Variants in DRAM1 observed in about 807,000 individuals in gnomAD.
DRAM1 encodes DNA damage-regulated autophagy modulator protein 1.
Under a neutral mutation model 28.5 loss-of-function variants are expected in DRAM1, and 25 were observed. That is an observed-to-expected ratio of 0.88 (90% CI 0.64 to 1.23). The LOEUF (loss-of-function observed/expected upper bound fraction) is 1.23. DRAM1 is among the 50% of genes most tolerant of loss of function. The pLI is 0.00. For missense variants in DRAM1, 249 were observed against 299.2 expected (o/e 0.83, Z 1.24); for synonymous variants, 113 against 114.2 (o/e 0.99, Z 0.07).
rs1167992417 is a variant in DRAM1 at position 101,901,279 on chromosome 12, C to T, written c.200-12C>T. The T allele has an allele frequency of 1.2e-6, 2 of 1,606,532 alleles. No homozygotes were observed. The highest frequency in any genetic ancestry group is 1.7e-5 in the Admixed American group (1 of 58,284). ...AATTATGAACATTCATCAAAGTTCT[C>T]TTCTTTTTCAGGTGCAGCCACGATG... is the stretch of plus-strand genomic sequence containing the variant. On this transcript the variant is annotated splice_polypyrimidine_tract_variant and intron_variant, in intron 2 of 6. Transcript: ENST00000258534.
chr12:101,913,568 A>G (rs1242628712), intron 4 of DRAM1, among the ~76,000 whole-genome samples: 5 of 151,928 alleles, frequency 3.3e-5, no homozygotes, highest in African/African-American at 9.7e-5. Flanking sequence ...TTAGCCAGGC[A>G]TGGTGGTGGG....
At chr12:101,901,248 ACATCAAATTATGAACATT>A in intron 2 of DRAM1, 25 bp from the exon 3 acceptor site, 1 of 1,589,958 alleles carries the variant, frequency 6.3e-7, no homozygotes, top group Non-Finnish European at 8.6e-7. Flanking sequence ...CATCCTAAAG[ACATCAAATTATGAACATT>A]CATCAAAGTT....
chr12:101,905,567 C>G (rs1295742521), intron 3 of DRAM1, among the ~76,000 whole-genome samples: 2 of 152,004 alleles, frequency 1.3e-5, no homozygotes, highest in African/African-American at 4.8e-5. Context: ...CAGACATAAG[C>G]CACTGTGCCC....
chr12:101,881,326 A>T (rs1872678878), intron 1 of DRAM1, among the ~76,000 whole-genome samples: 1 of 150,460 alleles, frequency 6.6e-6, no homozygotes, highest in Non-Finnish European at 1.5e-5. Context: ...CTCTACATTT[A>T]TCTACTGGCC....
intron 1 of DRAM1, among the ~76,000 whole-genome samples, chr12:101,893,000 G>T (rs1873197193): frequency 6.6e-6 from 1 of 152,194 alleles, no homozygotes; most frequent in Non-Finnish European, 1.5e-5. Flanking sequence ...AAAGGTGTAG[G>T]AATGTGGGCC....
intron 5 of DRAM1, among the ~76,000 whole-genome samples, chr12:101,918,435 G>GT (rs1168716111): frequency 1.3e-5 from 2 of 152,206 alleles, no homozygotes; most frequent in East Asian, 1.9e-4. Flanking sequence ...CCAGAAGGAG[G>GT]AAGCCTCTGT....
intron 4 of DRAM1, among the ~76,000 whole-genome samples, chr12:101,913,700 C>G (rs1358726571): frequency 3.8e-5 from 4 of 104,906 alleles, no homozygotes; most frequent in African/African-American, 8.7e-5. Context: ...AGCGAGAGTA[C>G]GTCTCAAAAA....
intron 1 of DRAM1, among the ~76,000 whole-genome samples, chr12:101,894,488 G>A (rs922032967): frequency 1.3e-5 from 2 of 152,168 alleles, no homozygotes; most frequent in Non-Finnish European, 2.9e-5. Flanking sequence ...CTGAGCTCAA[G>A]TGATCCATCC....
chr12:101,892,834 G>T, intron 1 of DRAM1, among the ~76,000 whole-genome samples: 1 of 152,240 alleles, frequency 6.6e-6, no homozygotes, highest in Non-Finnish European at 1.5e-5. Context: ...TTGTGACTCA[G>T]ATTGTATCTA....
chr12:101,901,218 A>G (rs563695418), intron 2 of DRAM1, 73 bp from the exon 3 acceptor site: 1 of 1,530,502 alleles, frequency 6.5e-7, no homozygotes, highest in South Asian at 1.3e-5. Context: ...AAAAAGTGAT[A>G]CAAAGCTGCT....
chr12:101,894,654 C>T (rs1226737854), intron 1 of DRAM1, among the ~76,000 whole-genome samples: 1 of 152,172 alleles, frequency 6.6e-6, no homozygotes, highest in African/African-American at 2.4e-5. Flanking sequence ...GACTCCACAC[C>T]TGGGCCTTTG....
intron 5 of DRAM1, 38 bp from the exon 6 acceptor site, chr12:101,920,071 T>C: frequency 6.8e-7 from 1 of 1,471,324 alleles, no homozygotes; most frequent in Non-Finnish European, 9.3e-7. Flanking sequence ...AAAGTGAGTC[T>C]TTTTCGGCTA....
At chr12:101,916,584 A>AGTGG (rs1347262101) in intron 5 of DRAM1, among the ~76,000 whole-genome samples, 1 of 152,232 alleles carries the variant, frequency 6.6e-6, no homozygotes, top group Non-Finnish European at 1.5e-5. Flanking sequence ...AGATACCTGT[A>AGTGG]GTAGTGGTTC....
intron 4 of DRAM1, among the ~76,000 whole-genome samples, chr12:101,909,233 C>G (rs1873944007): frequency 1.4e-5 from 2 of 145,958 alleles, no homozygotes; most frequent in African/African-American, 5.2e-5. Context: ...TGCACTCCAG[C>G]CTGGGCAACA....
chr12:101,881,313 T>C (rs1872678392), intron 1 of DRAM1, among the ~76,000 whole-genome samples: 1 of 152,062 alleles, frequency 6.6e-6, no homozygotes. Flanking sequence ...AGAGAAGTGA[T>C]AACTCTACAT....
At chr12:101,895,519 T>C (rs1873326860) in intron 1 of DRAM1, among the ~76,000 whole-genome samples, 1 of 150,808 alleles carries the variant, frequency 6.6e-6, no homozygotes, top group Non-Finnish European at 1.5e-5. Context: ...CCAGTGACAT[T>C]GAAATTGAAT....
intron 1 of DRAM1, among the ~76,000 whole-genome samples, chr12:101,882,411 CT>C (rs1872722554): frequency 2.0e-5 from 3 of 151,036 alleles, no homozygotes; most frequent in South Asian, 2.2e-4. Context: ...CGCCCGGCCC[CT>C]GATGGTCTAA....
chr12:101,892,169 A>G (rs4764660), intron 1 of DRAM1, among the ~76,000 whole-genome samples: 99,845 of 151,734 alleles, frequency 0.66, 34,551 homozygotes, highest in East Asian at 0.91. Flanking sequence ...TAATATATAA[A>G]ATCAGACGTG....
chr12:101,891,056 C>T (rs1327925511), intron 1 of DRAM1, among the ~76,000 whole-genome samples: 2 of 151,854 alleles, frequency 1.3e-5, no homozygotes, highest in East Asian at 1.9e-4. Flanking sequence ...GCCTGCCCCC[C>T]ACATTCTAAA....
Sources: gnomAD v4.1 joint callset for allele counts (sites outside exome capture counted in the v4.1 genomes callset) on GRCh38, gnomAD v4.1.1 for gene constraint, MANE v1.5 for transcripts, NCBI Gene and HGNC (gene_info 2026-07-23, HGNC 2026-07-21) for gene names.